CRELD1: variants seen among roughly 807,000 people sequenced by gnomAD.
CRELD1 encodes the protein CRELD disulfide isomerase 1.
A neutral mutation model predicts 58.2 loss-of-function variants in CRELD1; 42 were observed. The observed-to-expected ratio is 0.72, with a 90% CI of 0.56 to 0.93. The LOEUF (loss-of-function observed/expected upper bound fraction) is 0.93, where lower values mean the gene tolerates loss of function less well. Among genes scored for constraint, CRELD1 ranks in the 40% least tolerant of loss-of-function variants. The pLI is 0.00. For missense variants in CRELD1, 500 were observed against 540.6 expected, an observed-to-expected ratio of 0.92 and a Z score of 0.74; for synonymous variants, 222 against 202.0, an observed-to-expected ratio of 1.10 and a Z score of -0.84.
chr3:9,935,552 C>A (rs1418693338), intron 3 of CRELD1, among the ~76,000 whole-genome samples: 1 of 152,040 alleles, frequency 6.6e-6, no homozygotes, highest in African/African-American at 2.4e-5. Context: ...GCAAGTGCAT[C>A]ATCTAGGTAC....
At chr3:9,939,929 C>T (rs924039606) in intron 5 of CRELD1, among the ~76,000 whole-genome samples, 8 of 151,560 alleles carry the variant, frequency 5.3e-5, no homozygotes, top group Non-Finnish European at 1.0e-4. Flanking sequence ...GCGCCCCTCA[C>T]CTCCCGGACG....
intron 5 of CRELD1, 34 bp from the exon 6 acceptor site, chr3:9,940,816 A>G: frequency 6.3e-7 from 1 of 1,577,672 alleles, no homozygotes; most frequent in Non-Finnish European, 8.6e-7. Flanking sequence ...AAGGTTGTAT[A>G]GATGACCTCA....
At chr3:9,943,197 A>G in intron 9 of CRELD1, 25 bp downstream of exon 9, 1 of 1,604,546 alleles carries the variant, frequency 6.2e-7, no homozygotes, top group Non-Finnish European at 8.5e-7. Flanking sequence ...GATGGGACAC[A>G]GGCACCTGGG....
At chr3:9,938,330 A>AT in intron 5 of CRELD1, 1 of 557,984 alleles carries the variant, frequency 1.8e-6, no homozygotes. Context: ...TATAGTTATC[A>AT]TCATGTACTA....
At position 9,934,990 on chromosome 3, in the gene CRELD1, G is replaced by A. The variant is rs1039826784; in HGVS notation, c.257+73G>A. 9.5e-6 allele frequency: 12 copies of A among 1,257,690 alleles called. No homozygotes were observed. The African/African-American group carries it at 1.3e-4, about 14-fold the overall frequency. The allele number at this position is 1,257,690 out of a possible 1,614,324, so 77.9% of individuals were successfully genotyped here. ...TCTCTGCTCTGCTGGTGTAGGGCTA[G>A]GAACTCTTGGGGAGCACTTATTCAT... On this transcript the variant is annotated intron_variant, in intron 3 of 10. Coordinates refer to ENST00000452070, the MANE Select transcript of CRELD1 (RefSeq NM_001077415.3).
At position 9,944,853 on chromosome 3, in the gene CRELD1, G is replaced by A. The variant is rs1007208617; in HGVS notation, c.*274G>A. The A allele has an allele frequency of 3.7e-5, 18 of 480,790 alleles. No individual in the cohort carries two copies. The highest frequency in any genetic ancestry group is 5.0e-5 in the Non-Finnish European group (13 of 261,364). 29.8% of individuals were successfully genotyped at this position (480,790 alleles called of 1,614,324 possible). A position where few individuals can be genotyped will look rare whatever the true frequency, so the allele number is the denominator to read the frequency against. On this transcript the variant is annotated 3_prime_UTR_variant, in exon 11 of 11. Coordinates refer to ENST00000452070, the MANE Select transcript of CRELD1 (RefSeq NM_001077415.3). ...TTTCAAAAGTTTTTCCTTAATGGTGGCTGCTAGAGCTTTGGCCCCTGCTTA... is the reference window on the plus strand; with the variant it reads ...TTTCAAAAGTTTTTCCTTAATGGTGACTGCTAGAGCTTTGGCCCCTGCTTA...
chr3:9,943,017 A>C (rs2085410451), intron 8 of CRELD1, 60 bp from the exon 9 acceptor site: 1 of 1,570,232 alleles, frequency 6.4e-7, no homozygotes, highest in Admixed American at 1.7e-5. Flanking sequence ...CCGCTTCTGG[A>C]GCGTGGCTCC....
chr3:9,934,592 C>G lies in CRELD1; in HGVS notation c.154C>G (p.Leu52Val). 1.2e-6 allele frequency: 2 copies of G among 1,613,738 alleles called. No individual in the cohort carries two copies. The highest frequency in any genetic ancestry group is 8.5e-7 in the Non-Finnish European group (1 of 1,179,712). Residue 52 changes from leucine (L) to valine (V), a missense_variant, in exon 2 of 11, where the codon CTG (leucine) becomes GTG (valine). Coordinates refer to ENST00000452070, the MANE Select transcript of CRELD1 (RefSeq NM_001077415.3). ...CCATCCGTGTCATACCTGCCGGGGA[C>G]TGGTTGACAGCTTTAACAAGGTGGG... ...QPHPCHTCRG[L>V]VDSFNKGLER...
Position 9,937,645 on chromosome 3 carries a change from A to T in CRELD1, c.341A>T (p.Glu114Val). 1.2e-6 allele frequency: 2 copies of T among 1,610,040 alleles called. No homozygotes were observed. The highest frequency in any genetic ancestry group is 1.7e-6 in the Non-Finnish European group (2 of 1,178,826). The change falls in exon 4 of 11, where the codon GAG (glutamate) becomes GTG (valine). Residue 114 changes from glutamate (E) to valine (V), a missense_variant. Physicochemically the swap from Glu to Val is moderately radical, Grantham distance 121. Coordinates refer to ENST00000452070, the MANE Select transcript of CRELD1 (RefSeq NM_001077415.3). Reference protein sequence around the residue: ...ECHRLLELSEELVESWWFHKQ... With the variant: ...ECHRLLELSEVLVESWWFHKQ... Reference sequence around the variant, plus strand: ...CACCGCCTGCTGGAGCTGAGTGAGGAGCTGGTGGAGAGCTGGTGGTTTCAC... The same window carrying T: ...CACCGCCTGCTGGAGCTGAGTGAGGTGCTGGTGGAGAGCTGGTGGTTTCAC...
chr3:9,938,469 A>C (rs1423859458), intron 5 of CRELD1: 1 of 268,268 alleles, frequency 3.7e-6, no homozygotes, highest in African/African-American at 2.2e-5. Flanking sequence ...CAGTCCTGGC[A>C]CAAGAGCTGA....
At chr3:9,943,783 G>A in intron 10 of CRELD1, 3 of 1,607,726 alleles carry the variant, frequency 1.9e-6, no homozygotes, top group Non-Finnish European at 8.5e-7. Context: ...TGGGACCAGT[G>A]TTTGCCCTGG....
intron 7 of CRELD1, among the ~76,000 whole-genome samples, chr3:9,942,297 G>A (rs1164535106): frequency 6.6e-6 from 1 of 152,008 alleles, no homozygotes; most frequent in Non-Finnish European, 1.5e-5. Flanking sequence ...AATCTAGAGG[G>A]TAGAGGTTTA....
rs766775680 is a variant in CRELD1 at position 9,944,548 on chromosome 3, G to A, written c.1232G>A (p.Arg411His). 3.7e-6 allele frequency: 6 copies of A among 1,610,002 alleles called. No individual in the cohort carries two copies. The highest frequency in any genetic ancestry group is 2.2e-5 in the East Asian group (1 of 44,896). The change falls in exon 11 of 11, where the codon CGT becomes CAT. Residue 411 changes from arginine to histidine, a missense_variant. By Grantham distance (29) the Arg-to-His change is conservative. Transcript: ENST00000452070. ...TACTGGTTGTCAGAGCGCAGTGACC[G>A]TGTGCTGGAGGGCTTCATCAAGGGC... ...TGYWLSERSD[R>H]VLEGFIKGR
intron 3 of CRELD1, chr3:9,935,710 T>A (rs1469536081): frequency 6.6e-6 from 1 of 152,014 alleles, no homozygotes; most frequent in Non-Finnish European, 1.5e-5. Flanking sequence ...GCTTACTAGA[T>A]TTTGGGCCTG....
At position 9,943,097 on chromosome 3, in the gene CRELD1, G is replaced by T. The variant is rs756956925; in HGVS notation, c.838G>T (p.Gly280Cys). 6.2e-7 allele frequency: 1 copy of T among 1,613,872 alleles called. No homozygotes were observed. The highest frequency in any genetic ancestry group is 8.5e-7 in the Non-Finnish European group (1 of 1,180,024). Reference sequence around the variant, plus strand: ...TCCAGACTGTGCCAAGGCCTGCCTAGGCTGCATGGGGGCAGGGCCAGGTCG... The same window carrying T: ...TCCAGACTGTGCCAAGGCCTGCCTATGCTGCATGGGGGCAGGGCCAGGTCG... ...ECRDCAKACL[G>C]CMGAGPGRCK... The change falls in exon 9 of 11, where the codon GGC (glycine) becomes TGC (cysteine). Residue 280 changes from glycine (G) to cysteine (C), a missense_variant. Physicochemically the swap from Gly to Cys is radical, Grantham distance 159. Coordinates refer to ENST00000452070, the MANE Select transcript of CRELD1 (RefSeq NM_001077415.3).
At chr3:9,941,083 A>G in intron 6 of CRELD1, 28 bp from the exon 7 acceptor site, 1 of 1,614,016 alleles carries the variant, frequency 6.2e-7, no homozygotes, top group East Asian at 2.2e-5. Flanking sequence ...CTGCCTGCCC[A>G]TCCTCATGCT....
rs753591056 is a variant in CRELD1 at position 9,940,930 on chromosome 3, T to C, written c.541T>C (p.Cys181Arg). 2.2e-5 allele frequency: 36 copies of C among 1,614,022 alleles called. No homozygotes were observed. The highest frequency in any genetic ancestry group is 3.1e-5 in the Non-Finnish European group (36 of 1,179,984). Residue 181 changes from cysteine to arginine, a missense_variant, in exon 6 of 11, where the codon TGT becomes CGT. Physicochemically the swap from Cys to Arg is radical, Grantham distance 180. Coordinates refer to ENST00000452070, the MANE Select transcript of CRELD1 (RefSeq NM_001077415.3). ...GEGTRGGSGH[C>R]DCQAGYGGEA... ...AGGGACACGAGGGGGCAGCGGGCAC[T>C]GTGACTGCCAAGCCGGCTACGGGGG...
chr3:9,942,734 G>A, intron 7 of CRELD1, 79 bp from the exon 8 acceptor site: 1 of 1,120,360 alleles, frequency 8.9e-7, no homozygotes, highest in South Asian at 1.2e-5. Context: ...TCCCAGGCAA[G>A]ACCATTCCCC....
intron 7 of CRELD1, among the ~76,000 whole-genome samples, chr3:9,941,625 C>T (rs2085369482): frequency 1.3e-5 from 2 of 151,758 alleles, no homozygotes; most frequent in Admixed American, 1.3e-4. Flanking sequence ...CCTGTCTCAA[C>T]TAAAAATACA....
Sources: allele counts gnomAD v4.1 joint callset (sites outside exome capture counted in the v4.1 genomes callset), GRCh38; gene constraint gnomAD v4.1.1; transcripts MANE v1.5; gene names NCBI Gene and HGNC (gene_info 2026-07-23, HGNC 2026-07-21).